NRF1: variants seen among roughly 807,000 people sequenced by gnomAD.
NRF1 encodes the protein nuclear respiratory factor 1.
In NRF1, 5 loss-of-function variants were observed where a neutral mutation model predicts 58.5. The ratio of observed to expected loss-of-function variants is 0.09; its 90% confidence interval spans 0.04 to 0.18. The LOEUF (loss-of-function observed/expected upper bound fraction) is 0.18. NRF1 is among the 10% of genes least tolerant of loss of function. The pLI, the probability that NRF1 is intolerant of heterozygous loss-of-function variation, is 1.00. For synonymous variants in NRF1, 224 were observed against 246.7 expected (o/e 0.91, Z 0.86); for missense variants, 288 against 657.7 (o/e 0.44, Z 6.15).
At chr7:129,719,071 C>T (rs1257534326) in intron 9 of NRF1, among the ~76,000 whole-genome samples, 2 of 151,766 alleles carry the variant, frequency 1.3e-5, no homozygotes, top group Non-Finnish European at 2.9e-5. Context: ...TAGGAAGAGG[C>T]ACTCCAGGAG....
chr7:129,721,759 G>C (rs576953064), intron 9 of NRF1, among the ~76,000 whole-genome samples: 1 of 152,180 alleles, frequency 6.6e-6, no homozygotes, highest in African/African-American at 2.4e-5. Context: ...GGGATTACAG[G>C]CATGAGCCAC....
Position 129,734,138 on chromosome 7 carries a change from G to A in NRF1, c.1348+6773G>A, listed in dbSNP as rs140864260. ...TTGCATTCTGTCTCTCAATCCTGTT[G>A]TATCATTATTTTATTCATTTAACAA... On this transcript the variant is annotated intron_variant, in intron 10 of 10. Coordinates refer to ENST00000393232, the MANE Select transcript of NRF1 (RefSeq NM_005011.5). Among the ~76,000 whole-genome samples, 302 of 152,280 alleles carry A rather than the reference G, an allele frequency of 2.0e-3. 3 individuals are homozygous for A. The highest frequency in any genetic ancestry group is 6.8e-3 in the African/African-American group (281 of 41,566).
At chr7:129,639,609 G>T (rs1671610008) in intron 1 of NRF1, among the ~76,000 whole-genome samples, 1 of 146,904 alleles carries the variant, frequency 6.8e-6, no homozygotes, top group Admixed American at 6.9e-5. Flanking sequence ...GCAGTGGCAT[G>T]ATCTCAGGGC....
chr7:129,657,564 G>C lies in NRF1; in HGVS notation c.213G>C (p.Leu71=), dbSNP rs1253873547. ...CAGCTGATGAGGTGACAGCTCATCT[G>C]GCAGCTGCAGGTAGTGTTGTTTGGA... The part of the protein sequence containing the change: ...STAADEVTAH[L]AAAGPVGMAA... The change falls in exon 2 of 11, where the codon CTG becomes CTC. Residue 71 remains leucine, a synonymous_variant. Coordinates refer to ENST00000393232, the MANE Select transcript of NRF1 (RefSeq NM_005011.5). 1 of 1,610,104 alleles carries C rather than the reference G, an allele frequency of 6.2e-7. No homozygotes were observed. Among genetic ancestry groups the C allele is most frequent in the Non-Finnish European group, 8.5e-7 (1 of 1,176,972 alleles).
intron 1 of NRF1, among the ~76,000 whole-genome samples, chr7:129,625,123 T>C (rs1800885147): frequency 1.3e-5 from 2 of 152,240 alleles, no homozygotes. Context: ...TCTTCCAGCC[T>C]TTGGTGGCAT....
intron 2 of NRF1, among the ~76,000 whole-genome samples, chr7:129,671,170 T>C (rs1802039820): frequency 6.6e-6 from 1 of 152,200 alleles, no homozygotes; most frequent in Admixed American, 6.5e-5. Flanking sequence ...AACAACATTA[T>C]ACAAAATTCA....
intron 5 of NRF1, among the ~76,000 whole-genome samples, chr7:129,706,970 C>T (rs532363093): frequency 6.6e-6 from 1 of 152,158 alleles, no homozygotes; most frequent in East Asian, 1.9e-4. Context: ...TGCTCTGTCA[C>T]CCGCTTTAGG....
rs186687562 is a variant in NRF1, at chr7:129,645,793, A to G, written c.-6-11553A>G. Among the ~76,000 whole-genome samples the G allele has an allele frequency of 6.6e-3, 1,012 of 152,220 alleles. 15 individuals carry two copies. The highest frequency in any genetic ancestry group is 0.024 in the African/African-American group (978 of 41,528). ...GTTGATATCACCTACTTTCCTGTCT[A>G]TGCTCCCTTCTCACTTCTAAGTGTC... is the stretch of plus-strand genomic sequence containing the variant. On this transcript the variant is annotated intron_variant, in intron 1 of 10. Transcript: ENST00000393232.
chr7:129,714,228 A>G (rs1266922228), intron 8 of NRF1, among the ~76,000 whole-genome samples: 4 of 152,210 alleles, frequency 2.6e-5, no homozygotes, highest in Admixed American at 6.5e-5. Flanking sequence ...TCCATGCCAT[A>G]TAATTTAACT....
At chr7:129,708,604 T>C (rs1394849882) in intron 5 of NRF1, among the ~76,000 whole-genome samples, 1 of 152,218 alleles carries the variant, frequency 6.6e-6, no homozygotes, top group Non-Finnish European at 1.5e-5. Flanking sequence ...TTGATCTCTT[T>C]GGAATTCTCT....
chr7:129,754,085 TCAC>T (rs1804188249), intron 10 of NRF1, among the ~76,000 whole-genome samples: 1 of 152,178 alleles, frequency 6.6e-6, no homozygotes, highest in Admixed American at 6.5e-5. Context: ...CAGGGCCCTC[TCAC>T]GGCAAGCTGG....
chr7:129,729,866 C>G (rs1803538379), intron 10 of NRF1, among the ~76,000 whole-genome samples: 1 of 152,184 alleles, frequency 6.6e-6, no homozygotes, highest in Non-Finnish European at 1.5e-5. Flanking sequence ...GAGACAGAGT[C>G]TTGCTCTGTC....
intron 1 of NRF1, among the ~76,000 whole-genome samples, chr7:129,646,452 C>A (rs1164696930): frequency 6.6e-6 from 1 of 152,084 alleles, no homozygotes; most frequent in Non-Finnish European, 1.5e-5. Flanking sequence ...TGAAAGAGCA[C>A]AAAAGACACT....
At chr7:129,754,875 C>T in intron 10 of NRF1, 143 bp from the exon 11 acceptor site, 1 of 677,804 alleles carries the variant, frequency 1.5e-6, no homozygotes, top group Non-Finnish European at 2.3e-6. Flanking sequence ...AAAGAGATGT[C>T]TTTGTGCCTG....
chr7:129,719,983 T>C (rs550090084), intron 9 of NRF1, among the ~76,000 whole-genome samples: 1 of 152,260 alleles, frequency 6.6e-6, no homozygotes, highest in Non-Finnish European at 1.5e-5. Context: ...TGGGCTCTCT[T>C]TGTTATAAGG....
chr7:129,636,394 C>T (rs983560639), intron 1 of NRF1, among the ~76,000 whole-genome samples: 8 of 152,096 alleles, frequency 5.3e-5, no homozygotes, highest in Middle Eastern at 3.4e-3. Context: ...GCCCCACACC[C>T]GACTAATTTT....
At chr7:129,696,911 C>T (rs1315318077) in intron 5 of NRF1, among the ~76,000 whole-genome samples, 1 of 152,152 alleles carries the variant, frequency 6.6e-6, no homozygotes, top group Non-Finnish European at 1.5e-5. Context: ...AATTCTACTA[C>T]ATATAACCAT....
Position 129,727,336 on chromosome 7 carries a change from G to C in NRF1, c.1319G>C (p.Gly440Ala), listed in dbSNP as rs1306417336. Residue 440 changes from glycine to alanine, a missense_variant, in exon 10 of 11, where the codon GGA (glycine) becomes GCA (alanine). Physicochemically the swap from Gly to Ala is moderately conservative, Grantham distance 60. This residue lies in a region of NRF1 where 212 missense variants were observed against 559.7 expected (regional missense o/e 0.38). Coordinates refer to ENST00000393232, the MANE Select transcript of NRF1 (RefSeq NM_005011.5). ...VLSGETAAAV[G>A]ALTGVQDANG... The stretch of plus-strand genomic sequence containing the variant: ...TCTGGGGAAACCGCAGCAGCCGTCG[G>C]AGCACTTACTGGAGTCCAAGATGCT... 6.2e-7 allele frequency: 1 copy of C among 1,607,476 alleles called. No homozygotes were observed. Among genetic ancestry groups the C allele is most frequent in the African/African-American group, 1.3e-5 (1 of 74,544 alleles).
chr7:129,743,924 C>T (rs1341313823), intron 10 of NRF1, among the ~76,000 whole-genome samples: 2 of 152,130 alleles, frequency 1.3e-5, no homozygotes, highest in Non-Finnish European at 2.9e-5. Flanking sequence ...ATTCCAACGG[C>T]GAGGGGGAAA....
Sources: gnomAD v4.1 joint callset for allele counts (sites outside exome capture counted in the v4.1 genomes callset) on GRCh38, gnomAD v4.1.1 for gene constraint, gnomAD v4.1.1 regional missense constraint, MANE v1.5 for transcripts, NCBI Gene and HGNC (gene_info 2026-07-23, HGNC 2026-07-21) for gene names.